Variants in NAV3 observed in about 807,000 individuals in gnomAD.
NAV3 encodes the protein pore membrane and/or filament interacting like protein 1.
Under a neutral mutation model 244.7 loss-of-function variants are expected in NAV3, and 87 were observed. That is an observed-to-expected ratio of 0.36 (90% CI 0.30 to 0.42). NAV3 has a LOEUF of 0.42. Ranked by LOEUF, NAV3 falls within the 20% of genes least tolerant of loss-of-function variation. NAV3 has a pLI of 1.00. For synonymous variants in NAV3, 1,126 were observed against 1,042.2 expected, an observed-to-expected ratio of 1.08 and a Z score of -1.55; for missense variants, 2,663 against 2,893.3, an observed-to-expected ratio of 0.92 and a Z score of 1.83.
intron 12 of NAV3, among the ~76,000 whole-genome samples, chr12:78,111,008 CAG>C (rs1421001140): frequency 2.0e-5 from 3 of 151,744 alleles, no homozygotes; most frequent in African/African-American, 4.8e-5. Flanking sequence ...AGGTAGGAAA[CAG>C]AGACTGGAAA....
At chr12:77,619,264 A>C (rs746777415) in intron 2 of NAV3, among the ~76,000 whole-genome samples, 4 of 152,204 alleles carry the variant, frequency 2.6e-5, no homozygotes, top group African/African-American at 9.6e-5. Flanking sequence ...ATCGGAAGCC[A>C]TGAAGCTTCC....
intron 22 of NAV3, among the ~76,000 whole-genome samples, chr12:78,152,801 T>C (rs569999784): frequency 1.3e-5 from 2 of 152,122 alleles, no homozygotes; most frequent in East Asian, 3.9e-4. Context: ...ACAGTTCCCA[T>C]TTGAAAGTAA....
intron 22 of NAV3, among the ~76,000 whole-genome samples, chr12:78,150,006 G>T (rs1957012994): frequency 6.6e-6 from 1 of 152,018 alleles, no homozygotes; most frequent in South Asian, 2.1e-4. Context: ...TTAATAGATG[G>T]TGTTAGGAGA....
intron 1 of NAV3, among the ~76,000 whole-genome samples, chr12:77,857,700 G>T (rs1053121091): frequency 5.9e-5 from 9 of 151,746 alleles, no homozygotes; most frequent in African/African-American, 2.2e-4. Flanking sequence ...TTCCTCAAAA[G>T]AATTAATGAT....
At chr12:77,878,658 C>G (rs181308585) in intron 1 of NAV3, among the ~76,000 whole-genome samples, 2 of 149,342 alleles carry the variant, frequency 1.3e-5, no homozygotes, top group East Asian at 3.9e-4. Context: ...TTTTGTAATG[C>G]TTAAACTTCT....
intron 12 of NAV3, among the ~76,000 whole-genome samples, chr12:78,111,708 C>T (rs1319548637): frequency 6.6e-6 from 1 of 151,966 alleles, no homozygotes; most frequent in African/African-American, 2.4e-5. Flanking sequence ...TTTATTCACC[C>T]AAAATATATG....
intron 18 of NAV3, among the ~76,000 whole-genome samples, chr12:78,136,743 A>T (rs1956389603): frequency 1.3e-5 from 2 of 152,208 alleles, no homozygotes; most frequent in East Asian, 3.9e-4. Flanking sequence ...GCCTGGAAGC[A>T]TTTAAAGCCC....
chr12:77,892,602 A>G (rs1195278984), intron 1 of NAV3, among the ~76,000 whole-genome samples: 2 of 152,104 alleles, frequency 1.3e-5, no homozygotes, highest in African/African-American at 4.8e-5. Context: ...TTTTTAGTCA[A>G]GATGGGGTTT....
intron 1 of NAV3, among the ~76,000 whole-genome samples, chr12:77,855,853 A>ACTC (rs1878318827): frequency 6.6e-6 from 1 of 152,048 alleles, no homozygotes; most frequent in Non-Finnish European, 1.5e-5. Flanking sequence ...AGAAGAAGGA[A>ACTC]CTCCTAGCTG....
intron 2 of NAV3, among the ~76,000 whole-genome samples, chr12:77,646,223 T>G (rs769088389): frequency 6.6e-6 from 1 of 151,972 alleles, no homozygotes; most frequent in Non-Finnish European, 1.5e-5. Flanking sequence ...CTAACAAGAA[T>G]TGGTCACTAA....
At chr12:78,057,271 T>A (rs562662648) in intron 11 of NAV3, among the ~76,000 whole-genome samples, 3 of 152,330 alleles carry the variant, frequency 2.0e-5, no homozygotes, top group Admixed American at 2.0e-4. Context: ...AATTCTACTT[T>A]AAGTCACGTG....
At chr12:77,949,429 A>T (rs1234436289) in intron 3 of NAV3, among the ~76,000 whole-genome samples, 1 of 152,070 alleles carries the variant, frequency 6.6e-6, no homozygotes, top group East Asian at 1.9e-4. Context: ...TAGACTTATT[A>T]ACAAATAAAT....
intron 9 of NAV3, among the ~76,000 whole-genome samples, chr12:78,037,782 A>T (rs1880165451): frequency 6.6e-6 from 1 of 152,194 alleles, no homozygotes; most frequent in Non-Finnish European, 1.5e-5. Context: ...TAAGGGATGA[A>T]TAATGAAGGG....
At chr12:77,852,852 C>T (rs1877759907) in intron 1 of NAV3, among the ~76,000 whole-genome samples, 1 of 152,142 alleles carries the variant, frequency 6.6e-6, no homozygotes. Context: ...CGTGAATTCT[C>T]CCACAATTTA....
chr12:77,636,178 G>GA (rs1199737663), intron 2 of NAV3, among the ~76,000 whole-genome samples: 2 of 152,036 alleles, frequency 1.3e-5, no homozygotes, highest in Non-Finnish European at 2.9e-5. Context: ...AAAAAGTCAG[G>GA]AAACAGGCCA....
chr12:78,085,534 T>C (rs1953588557), intron 12 of NAV3, among the ~76,000 whole-genome samples: 1 of 152,130 alleles, frequency 6.6e-6, no homozygotes, highest in South Asian at 2.1e-4. Flanking sequence ...CTTACTATAG[T>C]GGCAATTCAC....
rs1178983276 is a variant in NAV3 at position 77,980,442 on chromosome 12, CT to C, written c.671+11741del. Among the ~76,000 whole-genome samples, 4 of 152,040 alleles carry C rather than the reference CT, an allele frequency of 2.6e-5. No individual in the cohort carries two copies. In the East Asian group the frequency reaches 7.7e-4, roughly 29 times the overall value. On this transcript the variant is annotated intron_variant, in intron 5 of 39. Coordinates refer to ENST00000397909, the MANE Select transcript of NAV3 (RefSeq NM_001024383.2). ...TTTAAATGTAATAAAAGTTATTTTC[CT>C]GAATATATGTATTAAGAAATAATTT...
At chr12:78,201,980 G>A (rs1000299683) in intron 38 of NAV3, among the ~76,000 whole-genome samples, 3 of 151,824 alleles carry the variant, frequency 2.0e-5, no homozygotes, top group African/African-American at 7.3e-5. Context: ...ATTTTATGAG[G>A]ATACTCTGAA....
chr12:77,839,337 A>C (rs568730348), intron 1 of NAV3, among the ~76,000 whole-genome samples: 1 of 152,346 alleles, frequency 6.6e-6, no homozygotes, highest in East Asian at 1.9e-4. Flanking sequence ...CAATTGCTCC[A>C]TATTTCCTAT....
Sources: gnomAD v4.1 joint callset for allele counts (sites outside exome capture counted in the v4.1 genomes callset) on GRCh38, gnomAD v4.1.1 for gene constraint, MANE v1.5 for transcripts, NCBI Gene and HGNC (gene_info 2026-07-23, HGNC 2026-07-21) for gene names.